Variants in FAM120A observed in about 807,000 individuals in gnomAD.
The protein encoded by FAM120A is constitutive coactivator of PPAR-gamma-like protein 1.
A neutral mutation model predicts 109.7 loss-of-function variants in FAM120A; 15 were observed. The ratio of observed to expected loss-of-function variants is 0.14; its 90% CI spans 0.09 to 0.21. The LOEUF (loss-of-function observed/expected upper bound fraction) is 0.21, where lower values mean the gene tolerates loss of function less well. Ranked by LOEUF, FAM120A falls within the 10% of genes least tolerant of loss-of-function variation. The pLI, the probability that FAM120A is intolerant of heterozygous loss-of-function variation, is 1.00. For missense variants in FAM120A, 899 were observed against 1,439.3 expected (o/e 0.62, Z 6.07); for synonymous variants, 493 against 572.8 (o/e 0.86, Z 1.99).
intron 8 of FAM120A, among the ~76,000 whole-genome samples, chr9:93,529,072 C>T (rs1047487210): frequency 6.6e-6 from 1 of 152,196 alleles, no homozygotes; most frequent in African/African-American, 2.4e-5. Context: ...TGCAGAGGGA[C>T]TGCAGGGTGA....
chr9:93,471,555 A>C (rs749045599), intron 2 of FAM120A, among the ~76,000 whole-genome samples, 168 bp downstream of exon 2: 1 of 152,228 alleles, frequency 6.6e-6, no homozygotes, highest in Non-Finnish European at 1.5e-5. Flanking sequence ...ATTTTTTGGC[A>C]TAGCTAATGT....
At chr9:93,461,068 AG>A (rs1857773594) in intron 1 of FAM120A, among the ~76,000 whole-genome samples, 1 of 152,192 alleles carries the variant, frequency 6.6e-6, no homozygotes, top group African/African-American at 2.4e-5. Flanking sequence ...GACCCACTGC[AG>A]TATTTGTAGA....
intron 1 of FAM120A, among the ~76,000 whole-genome samples, chr9:93,454,344 A>G (rs1186482516): frequency 6.6e-6 from 1 of 152,194 alleles, no homozygotes; most frequent in African/African-American, 2.4e-5. Flanking sequence ...AAAAGTGCCT[A>G]AGAGATTTAG....
intron 3 of FAM120A, among the ~76,000 whole-genome samples, chr9:93,484,587 A>G (rs1858954623): frequency 6.6e-6 from 1 of 152,042 alleles, no homozygotes; most frequent in Non-Finnish European, 1.5e-5. Context: ...TATTATTATT[A>G]TTTTAAGACA....
At chr9:93,554,179 A>ACACACACACACACACACACT (rs1862210225) in intron 12 of FAM120A, among the ~76,000 whole-genome samples, 1 of 147,430 alleles carries the variant, frequency 6.8e-6, no homozygotes, top group Non-Finnish European at 1.5e-5. Flanking sequence ...ACACACACAC[A>ACACACACACACACACACACT]CTAGCCTTGC....
At chr9:93,526,310 A>G (rs1035128973) in intron 7 of FAM120A, among the ~76,000 whole-genome samples, 3 of 152,198 alleles carry the variant, frequency 2.0e-5, no homozygotes, top group Non-Finnish European at 4.4e-5. Flanking sequence ...TGGTAAACCC[A>G]TATACTACAA....
At chr9:93,497,043 A>G (rs1259475872) in intron 3 of FAM120A, among the ~76,000 whole-genome samples, 4 of 151,308 alleles carry the variant, frequency 2.6e-5, no homozygotes, top group African/African-American at 4.9e-5. Context: ...TAAAGATTCT[A>G]CTTGTGCAGG....
rs191379978 is a variant in FAM120A, at chr9:93,517,831, G to T, written c.1418+1562G>T. ...GAATGTGAGTTGCCCATCTAATTTGGCAAGTTGTCTTTGTTAGGATGAGCT... is the reference window on the plus strand; with the variant it reads ...GAATGTGAGTTGCCCATCTAATTTGTCAAGTTGTCTTTGTTAGGATGAGCT... On this transcript the variant is annotated intron_variant, in intron 7 of 17. Transcript: ENST00000277165. Among the ~76,000 whole-genome samples the T allele has an allele frequency of 3.6e-4, 55 of 152,224 alleles. No homozygotes were observed. The East Asian group carries it at 0.01, about 29-fold the overall frequency.
chr9:93,555,104 C>T (rs536700018), intron 12 of FAM120A, among the ~76,000 whole-genome samples: 3 of 152,258 alleles, frequency 2.0e-5, no homozygotes, highest in African/African-American at 7.2e-5. Flanking sequence ...TCTAGTATGA[C>T]CTCTCTTCCT....
intron 9 of FAM120A, chr9:93,530,525 C>A (rs1344137013): frequency 1.3e-5 from 2 of 152,144 alleles, no homozygotes; most frequent in Admixed American, 6.5e-5. Context: ...ACTGACTAAT[C>A]CAAATATTGC....
chr9:93,494,541 T>G (rs1266007576), intron 3 of FAM120A, among the ~76,000 whole-genome samples: 1 of 152,198 alleles, frequency 6.6e-6, no homozygotes, highest in Non-Finnish European at 1.5e-5. Context: ...GCTCCGGCTT[T>G]TCATCTTCCC....
chr9:93,468,329 T>C (rs1858146993), intron 1 of FAM120A, among the ~76,000 whole-genome samples: 1 of 152,246 alleles, frequency 6.6e-6, no homozygotes, highest in African/African-American at 2.4e-5. Flanking sequence ...TTTTTTTTGG[T>C]GCTTGCTGGC....
chr9:93,506,817 C>T lies in FAM120A; in HGVS notation c.1030+7931C>T, dbSNP rs540701528. On this transcript the variant is annotated intron_variant, in intron 5 of 17. Transcript: ENST00000277165. ...TTCACTGTGTTAGCCAGGCTGATCT[C>T]GAACTCCTGACCTCATGATCTGCCC... Among the ~76,000 whole-genome samples, 5 of 152,066 alleles carry T rather than the reference C, an allele frequency of 3.3e-5. No individual in the cohort carries two copies. The South Asian group carries it at 8.3e-4, about 25-fold the overall frequency.
intron 1 of FAM120A, among the ~76,000 whole-genome samples, chr9:93,459,726 G>C (rs1165647061): frequency 7.1e-6 from 1 of 140,734 alleles, no homozygotes; most frequent in Non-Finnish European, 1.5e-5. Flanking sequence ...GGCAGTGCCT[G>C]GAGGCATTTT....
chr9:93,545,191 G>A (rs893414398), intron 11 of FAM120A, among the ~76,000 whole-genome samples: 1 of 152,172 alleles, frequency 6.6e-6, no homozygotes, highest in Non-Finnish European at 1.5e-5. Context: ...CCAAGTGGGG[G>A]ATGGCATTTA....
chr9:93,527,352 T>C, intron 8 of FAM120A, 110 bp downstream of exon 8: 1 of 808,608 alleles, frequency 1.2e-6, no homozygotes, highest in Non-Finnish European at 2.0e-6. Flanking sequence ...AATCGGGTCA[T>C]GTAAACCTTT....
intron 7 of FAM120A, among the ~76,000 whole-genome samples, chr9:93,519,576 C>T (rs3893381): frequency 0.077 from 11,690 of 152,122 alleles, 580 homozygotes; most frequent in Non-Finnish European, 0.1. Context: ...TGTAAAATAG[C>T]GGAGGCGATT....
intron 5 of FAM120A, among the ~76,000 whole-genome samples, chr9:93,512,363 G>A (rs1395899214): frequency 6.6e-6 from 1 of 152,190 alleles, no homozygotes; most frequent in Admixed American, 6.5e-5. Context: ...GTAGGTGACT[G>A]AGCTGTAACA....
Position 93,471,335 on chromosome 9 carries a change from C to A in FAM120A, c.669C>A (p.Ala223=). 6.2e-7 allele frequency: 1 copy of A among 1,614,138 alleles called. No homozygotes were observed. The highest frequency in any genetic ancestry group is 8.5e-7 in the Non-Finnish European group (1 of 1,180,000). Residue 223 remains alanine, a synonymous_variant, in exon 2 of 18, where the codon GCC becomes GCA. Transcript: ENST00000277165. ...GCCAATATCTGATGCATGAAGTTGCCAAGCAACTGGACCTGAATCCAAATC... is the reference window on the plus strand; with the variant it reads ...GCCAATATCTGATGCATGAAGTTGCAAAGCAACTGGACCTGAATCCAAATC... ...TTSQYLMHEV[A]KQLDLNPNRF...
Sources: allele counts gnomAD v4.1 joint callset (sites outside exome capture counted in the v4.1 genomes callset), GRCh38; gene constraint gnomAD v4.1.1; transcripts MANE v1.5; gene names NCBI Gene and HGNC (gene_info 2026-07-23, HGNC 2026-07-21).